Variants in NHP2 observed in about 807,000 individuals in gnomAD.
NHP2 encodes NHP2 ribonucleoprotein, also known as H/ACA ribonucleoprotein complex subunit 2.
A neutral mutation model predicts 16.7 loss-of-function variants in NHP2; 10 were observed. That is an observed-to-expected ratio of 0.60 (90% confidence interval 0.37 to 1.01). The LOEUF (loss-of-function observed/expected upper bound fraction) is 1.01. Ranked by LOEUF, NHP2 falls within the 50% of genes least tolerant of loss-of-function variation. The pLI, the probability that NHP2 is intolerant of heterozygous loss-of-function variation, is 0.01. For missense variants in NHP2, 184 were observed against 198.3 expected (o/e 0.93, Z 0.43); for synonymous variants, 87 against 78.9 (o/e 1.10, Z -0.54).
At chr5:178,153,199 G>A (rs1020371148) in intron 2 of NHP2, 2 of 490,658 alleles carry the variant, frequency 4.1e-6, no homozygotes, top group Non-Finnish European at 7.4e-6. Context: ...GAGGTAATCT[G>A]AGGCAAGGAG....
chr5:178,153,433 T>G (rs929148210), intron 2 of NHP2, 58 bp downstream of exon 2: 2 of 1,570,694 alleles, frequency 1.3e-6, no homozygotes, highest in Admixed American at 3.3e-5. Flanking sequence ...GCCTACTAAG[T>G]AGAGATTTCT....
chr5:178,150,894 A>G lies in NHP2; in HGVS notation c.330T>C (p.Ser110=). 6.2e-7 allele frequency: 1 copy of G among 1,609,682 alleles called. No individual in the cohort carries two copies. Among genetic ancestry groups the G allele is most frequent in the Non-Finnish European group, 8.5e-7 (1 of 1,175,946 alleles). Reference sequence around the variant, plus strand: ...GGGGCCACGTGCTCCTTACCGTCTTAGAGGGGATATAGACATAGGGCAAAT... The same window carrying G: ...GGGGCCACGTGCTCCTTACCGTCTTGGAGGGGATATAGACATAGGGCAAAT... ...DRNLPYVYIP[S]KTDLGAAAGS... Residue 110 remains serine, a synonymous_variant, in exon 3 of 4, where the codon TCT becomes TCC. Transcript: ENST00000274606.
intron 2 of NHP2, among the ~76,000 whole-genome samples, chr5:178,152,482 C>A (rs1443345932): frequency 6.6e-6 from 1 of 151,744 alleles, no homozygotes; most frequent in Non-Finnish European, 1.5e-5. Context: ...CGTTGAGCAT[C>A]AAGTCTGCCC....
chr5:178,150,863 G>T (rs1045552667), intron 3 of NHP2, 25 bp downstream of exon 3: 7 of 1,482,862 alleles, frequency 4.7e-6, no homozygotes, highest in African/African-American at 1.4e-5. Context: ...TGCTGAGCAA[G>T]GTCAGGGGGC....
intron 2 of NHP2, among the ~76,000 whole-genome samples, chr5:178,151,512 G>A (rs188758724): frequency 3.9e-5 from 6 of 152,332 alleles, no homozygotes; most frequent in Non-Finnish European, 7.3e-5. Flanking sequence ...GGGGGCAAGG[G>A]CCTCAGGAGC....
intron 1 of NHP2, 25 bp downstream of exon 1, chr5:178,153,633 C>A (rs771219210): frequency 6.2e-7 from 1 of 1,613,802 alleles, no homozygotes; most frequent in Non-Finnish European, 8.5e-7. Context: ...CGCACCCATC[C>A]CGGCCACGCC....
chr5:178,151,671 G>GT (rs1422968124), intron 2 of NHP2, among the ~76,000 whole-genome samples: 1 of 152,164 alleles, frequency 6.6e-6, no homozygotes, highest in Non-Finnish European at 1.5e-5. Context: ...GCCTTTCACT[G>GT]TGAGTGTTCC....
Position 178,153,715 on chromosome 5 carries a change from C to T in NHP2, c.103G>A (p.Ala35Thr). The T allele has an allele frequency of 6.2e-7, 1 of 1,613,996 alleles. No individual in the cohort carries two copies. The highest frequency in any genetic ancestry group is 8.5e-7 in the Non-Finnish European group (1 of 1,179,950). The change falls in exon 1 of 4, where the codon GCG becomes ACG. Residue 35 changes from alanine to threonine, a missense_variant. By Grantham distance (58) the Ala-to-Thr change is moderately conservative. Coordinates refer to ENST00000274606, the MANE Select transcript of NHP2 (RefSeq NM_017838.4). ...QELLVNQNPIAQPLASRRLTR... is the reference protein window; with the variant it reads ...QELLVNQNPITQPLASRRLTR... ...AGGCGGCGAGAAGCCAGGGGCTGCG[C>T]GATGGGGTTCTGGTTGACCAGCAGC...
In NHP2 at chr5:178,149,538, G is replaced by A; in HGVS notation, c.*175C>T. The A allele has an allele frequency of 1.4e-6, 1 of 699,764 alleles. No homozygotes were observed. Among genetic ancestry groups the A allele is most frequent in the African/African-American group, 1.8e-5 (1 of 55,692 alleles). 43.3% of individuals were successfully genotyped at this position (699,764 alleles called of 1,614,324 possible). ...TAGTTCTACAGGAAATGGCACTGAT[G>A]GACAGAAGACTAGCATTACCTTCAT... On this transcript the variant is annotated 3_prime_UTR_variant, in exon 4 of 4. Transcript: ENST00000274606.
At chr5:178,150,108 C>T in intron 3 of NHP2, 1 of 361,640 alleles carries the variant, frequency 2.8e-6, no homozygotes, top group Non-Finnish European at 5.1e-6. Context: ...CTGCCACCCC[C>T]ACTTCCTGTG....
chr5:178,152,883 T>A (rs1387635773), intron 2 of NHP2, among the ~76,000 whole-genome samples: 2 of 151,958 alleles, frequency 1.3e-5, no homozygotes, highest in African/African-American at 4.8e-5. Flanking sequence ...GCCCAGGAGT[T>A]CAAGACCAGC....
chr5:178,153,689 G>A lies in NHP2; in HGVS notation c.129C>T (p.Leu43=). ...PIAQPLASRR[L]TRKLYKCIKK... is the part of the protein sequence containing the mutation. ...TGATGCATTTGTAGAGCTTCCGCGT[G>A]AGGCGGCGAGAAGCCAGGGGCTGCG... is the stretch of plus-strand genomic sequence containing the variant. Residue 43 remains leucine, a synonymous_variant, in exon 1 of 4, where the codon CTC becomes CTT. Transcript: ENST00000274606. 1.9e-6 allele frequency: 3 copies of A among 1,614,012 alleles called. No homozygotes were observed. The highest frequency in any genetic ancestry group is 1.3e-5 in the African/African-American group (1 of 75,058).
At chr5:178,150,079 G>C in intron 3 of NHP2, 1 of 421,898 alleles carries the variant, frequency 2.4e-6, no homozygotes, top group Non-Finnish European at 4.3e-6. Flanking sequence ...CTCCAGCCCA[G>C]CAGGGGCTGT....
chr5:178,151,029 CTCCT>C (rs1381519804), intron 2 of NHP2, 36 bp from the exon 3 acceptor site: 7 of 1,557,450 alleles, frequency 4.5e-6, no homozygotes, highest in South Asian at 1.1e-5. Context: ...CTCTGGCTTG[CTCCT>C]TCCTTCTTTC....
In NHP2 at chr5:178,149,644, G is replaced by A; in HGVS notation, c.*69C>T. On this transcript the variant is annotated 3_prime_UTR_variant, in exon 4 of 4. Transcript: ENST00000274606. ...TGCCGTCAGTGTGGGTGGGCAGGAGGACAGCCAGTCGTCCTGCTGCCAGCC... is the reference window on the plus strand; with the variant it reads ...TGCCGTCAGTGTGGGTGGGCAGGAGAACAGCCAGTCGTCCTGCTGCCAGCC... 2 of 1,604,898 alleles carry A rather than the reference G, an allele frequency of 1.2e-6. No homozygotes were observed. Among genetic ancestry groups the A allele is most frequent in the Admixed American group, 1.7e-5 (1 of 59,634 alleles).
In NHP2 at chr5:178,150,946, T is replaced by C; in HGVS notation, c.278A>G (p.His93Arg). Residue 93 changes from histidine (H) to arginine (R), a missense_variant, in exon 3 of 4, where the codon CAT (histidine) becomes CGT (arginine). By Grantham distance (29) the His-to-Arg change is conservative. Coordinates refer to ENST00000274606, the MANE Select transcript of NHP2 (RefSeq NM_017838.4). ...GDTLPIEVYC[H>R]LPVMCEDRNL... is the part of the protein sequence containing the mutation. ...TCGGTCCTCACACATGACTGGGAGA[T>C]GGCAGTATACCTCAATGGGCAGTGT... The C allele has an allele frequency of 6.2e-7, 1 of 1,614,134 alleles. No homozygotes were observed. Among genetic ancestry groups the C allele is most frequent in the Non-Finnish European group, 8.5e-7 (1 of 1,180,036 alleles).
At chr5:178,151,527 G>A (rs1756277170) in intron 2 of NHP2, among the ~76,000 whole-genome samples, 1 of 152,216 alleles carries the variant, frequency 6.6e-6, no homozygotes, top group South Asian at 2.1e-4. Context: ...AGGAGCCTAA[G>A]ACACAGAAGG....
In NHP2 at chr5:178,149,643, G is replaced by C; in HGVS notation, c.*70C>G. 1 of 1,603,222 alleles carries C rather than the reference G, an allele frequency of 6.2e-7. No individual in the cohort carries two copies. The highest frequency in any genetic ancestry group is 8.5e-7 in the Non-Finnish European group (1 of 1,174,130). On this transcript the variant is annotated 3_prime_UTR_variant, in exon 4 of 4. Transcript: ENST00000274606. ...ATGCCGTCAGTGTGGGTGGGCAGGA[G>C]GACAGCCAGTCGTCCTGCTGCCAGC...
rs780613876 is a variant in NHP2, at chr5:178,153,756, T to TC, written c.61dup (p.Glu21GlyfsTer69). Reference sequence around the variant, plus strand: ...GACCAGCAGCTCCTGGTAGGTGCGCTCCCCGGAACACGCCTCCGCCTGAGC... The same window carrying TC: ...GACCAGCAGCTCCTGGTAGGTGCGCTCCCCCGGAACACGCCTCCGCCTGAGC... On this transcript the variant is annotated frameshift_variant, in exon 1 of 4. Coordinates refer to ENST00000274606, the MANE Select transcript of NHP2 (RefSeq NM_017838.4). LOFTEE classifies it high-confidence loss of function. 9.3e-6 allele frequency: 15 copies of TC among 1,613,112 alleles called. No individual in the cohort carries two copies. Among genetic ancestry groups the TC allele is most frequent in the Non-Finnish European group, 1.0e-5 (12 of 1,179,646 alleles).
Sources: gnomAD v4.1 joint callset for allele counts (sites outside exome capture counted in the v4.1 genomes callset) on GRCh38, gnomAD v4.1.1 for gene constraint, MANE v1.5 for transcripts, NCBI Gene and HGNC (gene_info 2026-07-23, HGNC 2026-07-21) for gene names.